The following GALNT16 variants were observed in gnomAD, a reference collection of about 807,000 sequenced individuals.
The protein encoded by GALNT16 is polypeptide N-acetylgalactosaminyltransferase 16.
Under a neutral mutation model 76.1 loss-of-function variants are expected in GALNT16, and 40 were observed. The ratio of observed to expected loss-of-function variants is 0.53; its 90% CI spans 0.41 to 0.68. The LOEUF is 0.68. Ranked by LOEUF, GALNT16 falls within the 30% of genes least tolerant of loss-of-function variation. The pLI, the probability that GALNT16 is intolerant of heterozygous loss-of-function variation, is 0.00. For synonymous variants in GALNT16, 276 were observed against 285.2 expected (o/e 0.97, Z 0.32); for missense variants, 621 against 731.9 (o/e 0.85, Z 1.75).
Position 69,341,757 on chromosome 14 carries a change from GAGCTCACGTGAGTGC to G in GALNT16, c.1268_1271+11del. 6.2e-7 allele frequency: 1 copy of G among 1,609,670 alleles called. No homozygotes were observed. The highest frequency in any genetic ancestry group is 1.1e-5 in the South Asian group (1 of 90,732). On this transcript the variant is annotated splice_donor_variant and splice_donor_5th_base_variant and coding_sequence_variant and intron_variant, in exon 12 of 15. Coordinates refer to ENST00000448469, the MANE Select transcript of GALNT16 (RefSeq NM_001168368.2). LOFTEE classifies it high-confidence loss of function. The stretch of plus-strand genomic sequence containing the variant: ...CTGGTACCTGGAGAACGTCTACCCA[GAGCTCACGTGAGTGC>G]AGCCCTCATCTTGTGCATCCCCCAG...
intron 1 of GALNT16, among the ~76,000 whole-genome samples, chr14:69,316,332 T>C (rs2045100079): frequency 1.3e-5 from 2 of 152,184 alleles, no homozygotes; most frequent in African/African-American, 4.8e-5. Context: ...GTGCCTACAA[T>C]CACCAAGGTT....
chr14:69,313,700 C>T (rs1258591069), intron 1 of GALNT16, among the ~76,000 whole-genome samples: 1 of 152,246 alleles, frequency 6.6e-6, no homozygotes, highest in Admixed American at 6.5e-5. Flanking sequence ...CCCCAGGCAG[C>T]TCCTATCTCG....
intron 6 of GALNT16, among the ~76,000 whole-genome samples, chr14:69,329,554 A>G (rs1207085154): frequency 6.6e-6 from 1 of 152,200 alleles, no homozygotes; most frequent in Non-Finnish European, 1.5e-5. Flanking sequence ...GCTGGCAAGG[A>G]CATGGAGAAA....
intron 1 of GALNT16, among the ~76,000 whole-genome samples, chr14:69,290,045 G>A (rs1056900683): frequency 6.6e-6 from 1 of 152,082 alleles, no homozygotes; most frequent in African/African-American, 2.4e-5. Context: ...GGCCTGTTCT[G>A]AGTTATTTTT....
chr14:69,343,820 G>C (rs2045525700), intron 12 of GALNT16, among the ~76,000 whole-genome samples: 1 of 152,210 alleles, frequency 6.6e-6, no homozygotes, highest in South Asian at 2.1e-4. Flanking sequence ...CCAAGGGGAA[G>C]AAGTGTCTCA....
chr14:69,350,505 G>GA (rs1418103655), intron 14 of GALNT16: 2 of 152,250 alleles, frequency 1.3e-5, no homozygotes, highest in Non-Finnish European at 2.9e-5. Flanking sequence ...CAGGAGGGGG[G>GA]ATCCAAAGGC....
At chr14:69,379,491 CA>C in the GALNT16 span, among the ~76,000 whole-genome samples, 12 of 152,224 alleles carry the variant, frequency 7.9e-5, no homozygotes, top group African/African-American at 2.6e-4. Flanking sequence ...GATATTAAAC[CA>C]ATCATGAGCC....
In GALNT16 at chr14:69,347,737, C is replaced by T. The variant is rs1047803040; in HGVS notation, c.1414-140C>T. 2.0e-5 allele frequency: 17 copies of T among 843,580 alleles called. No individual in the cohort carries two copies. In the Admixed American group the frequency reaches 3.5e-4, roughly 17 times the overall value. The allele number at this position is 843,580 out of a possible 1,614,324, so 52.3% of individuals were successfully genotyped here. A position where few individuals can be genotyped will look rare whatever the true frequency, so the allele number is the denominator to read the frequency against. ...TAGTAAGAATTATGCAGTGAATACC[C>T]ATACATCTACCCTAGCTCCTACAAT... is the stretch of plus-strand genomic sequence containing the variant. On this transcript the variant is annotated intron_variant, in intron 13 of 14. Coordinates refer to ENST00000448469, the MANE Select transcript of GALNT16 (RefSeq NM_001168368.2).
downstream of GALNT16, chr14:69,356,510 TCAGCTGGATCCCTCACTACTC>T (rs1260063639): frequency 6.6e-6 from 1 of 150,604 alleles, no homozygotes; most frequent in African/African-American, 2.4e-5. Context: ...AAATACCCAT[TCAGCTGGATCCCTCACTACTC>T]TGCCATTTGC....
intron 1 of GALNT16, among the ~76,000 whole-genome samples, chr14:69,262,712 C>A (rs1211264479): frequency 6.6e-6 from 1 of 152,100 alleles, no homozygotes; most frequent in Non-Finnish European, 1.5e-5. Flanking sequence ...AGCACTGACC[C>A]CCCCGTCAGG....
At chr14:69,332,503 G>A (rs1594857784) in intron 7 of GALNT16, 1 of 155,612 alleles carries the variant, frequency 6.4e-6, no homozygotes, top group African/African-American at 2.4e-5. Flanking sequence ...CTATGGAACT[G>A]TGCTGCTCTA....
intron 1 of GALNT16, among the ~76,000 whole-genome samples, chr14:69,285,797 A>G (rs896579289): frequency 2.0e-5 from 3 of 152,120 alleles, no homozygotes; most frequent in Non-Finnish European, 2.9e-5. Flanking sequence ...GCCATCTCTC[A>G]CACAGAGTTT....
At position 69,285,241 on chromosome 14, in the gene GALNT16, C is replaced by T. The variant is rs192563414; in HGVS notation, c.177+24774C>T. 2.0e-3 allele frequency among the ~76,000 whole-genome samples: 300 copies of T among 152,122 alleles called. 1 individual carries two copies. Among genetic ancestry groups the T allele is most frequent in the African/African-American group, 6.0e-3 (248 of 41,498 alleles). ...ATTTTTAGTAGAGACGGGGTTTCACCGTGTTAGCCAGGATGGTCTCGATCT... is the reference window on the plus strand; with the variant it reads ...ATTTTTAGTAGAGACGGGGTTTCACTGTGTTAGCCAGGATGGTCTCGATCT... On this transcript the variant is annotated intron_variant, in intron 1 of 14. Transcript: ENST00000448469.
Position 69,347,066 on chromosome 14 carries a change from G to T in GALNT16, c.1298G>T (p.Gly433Val). 1 of 1,614,072 alleles carries T rather than the reference G, an allele frequency of 6.2e-7. No individual in the cohort carries two copies. The highest frequency in any genetic ancestry group is 8.5e-7 in the Non-Finnish European group (1 of 1,179,982). ...LTVPVKEALPGIIKQGVNCLE... is the reference protein window; with the variant it reads ...LTVPVKEALPVIIKQGVNCLE... ...GTCCCCGTGAAGGAAGCACTCCCCGGCATCATTAAGCAGGGGGTGAACTGC... is the reference window on the plus strand; with the variant it reads ...GTCCCCGTGAAGGAAGCACTCCCCGTCATCATTAAGCAGGGGGTGAACTGC... The change falls in exon 13 of 15, where the codon GGC (glycine) becomes GTC (valine). Residue 433 changes from glycine to valine, a missense_variant. Coordinates refer to ENST00000448469, the MANE Select transcript of GALNT16 (RefSeq NM_001168368.2).
Position 69,307,018 on chromosome 14 carries a change from C to T in GALNT16, c.178-13693C>T, listed in dbSNP as rs1374966467. ...ATAAAACACACATCTCTGTCCCTCC[C>T]GGATCCAAAGCTAGCATGCGCATCT... On this transcript the variant is annotated intron_variant, in intron 1 of 14. Transcript: ENST00000448469. Among the ~76,000 whole-genome samples the T allele has an allele frequency of 3.3e-5, 5 of 152,194 alleles. No individual in the cohort carries two copies. The South Asian group carries it at 6.2e-4, about 19-fold the overall frequency.
intron 1 of GALNT16, among the ~76,000 whole-genome samples, chr14:69,300,970 C>G (rs1466721547): frequency 2.0e-5 from 3 of 152,244 alleles, no homozygotes; most frequent in Non-Finnish European, 4.4e-5. Flanking sequence ...ATCATATTCT[C>G]TCTCACACAC....
intron 2 of GALNT16, among the ~76,000 whole-genome samples, chr14:69,321,295 C>G (rs562885389): frequency 1.3e-5 from 2 of 152,328 alleles, no homozygotes; most frequent in South Asian, 2.1e-4. Flanking sequence ...TCCACCTCCT[C>G]AGCAACTCCC....
In GALNT16 at chr14:69,353,993, A is replaced by G. The variant is rs1193037227; in HGVS notation, c.*1825A>G. ...CCTCTCGGCAGCACTCCCGTGCCCA[A>G]GTGCACCCCTCTGGACTTGCCAGCG... On this transcript the variant is annotated 3_prime_UTR_variant, in exon 15 of 15. Transcript: ENST00000448469. 1 of 152,482 alleles carries G rather than the reference A, an allele frequency of 6.6e-6. No homozygotes were observed. Among genetic ancestry groups the G allele is most frequent in the East Asian group, 1.9e-4 (1 of 5,182 alleles). The allele number at this position is 152,482 out of a possible 1,614,324, so 9.4% of individuals were successfully genotyped here. A position where few individuals can be genotyped will look rare whatever the true frequency, so the allele number is the denominator to read the frequency against.
intron 9 of GALNT16, among the ~76,000 whole-genome samples, chr14:69,337,944 A>C (rs967682844): frequency 6.6e-6 from 1 of 152,204 alleles, no homozygotes; most frequent in African/African-American, 2.4e-5. Flanking sequence ...AGATTATGTG[A>C]GATTCAGCCA....
Sources: allele counts gnomAD v4.1 joint callset (sites outside exome capture counted in the v4.1 genomes callset), GRCh38; gene constraint gnomAD v4.1.1; transcripts MANE v1.5; gene names NCBI Gene and HGNC (gene_info 2026-07-23, HGNC 2026-07-21).